PCDHA6: variants seen among roughly 807,000 people sequenced by gnomAD.
PCDHA6 encodes the protein protocadherin alpha 6.
A neutral mutation model predicts 60.3 loss-of-function variants in PCDHA6; 55 were observed. The ratio of observed to expected loss-of-function variants is 0.91; its 90% CI spans 0.73 to 1.14. The LOEUF is 1.14. Among genes scored for constraint, PCDHA6 ranks in the 50% most tolerant of loss-of-function variants. The probability of loss-of-function intolerance (pLI) is 0.00; values close to 1 mark genes in which losing one functional copy is unlikely to be tolerated. For missense variants in PCDHA6, 1,327 were observed against 1,256.5 expected (o/e 1.06, Z -0.85); for synonymous variants, 652 against 557.9 (o/e 1.17, Z -2.38).
intron 1 of PCDHA6, chr5:140,836,620 G>A (rs782384217): frequency 5.6e-6 from 9 of 1,613,468 alleles, no homozygotes; most frequent in Non-Finnish European, 7.6e-6. Flanking sequence ...AGCGCGGTGG[G>A]GAGCTGGTCA....
chr5:140,976,190 C>T (rs1402016343), intron 1 of PCDHA6, among the ~76,000 whole-genome samples: 17 of 152,040 alleles, frequency 1.1e-4, no homozygotes, highest in African/African-American at 4.1e-4. Context: ...AATCAATATC[C>T]TGGAAACTCA....
At chr5:140,921,981 A>G (rs2080540156) in intron 1 of PCDHA6, among the ~76,000 whole-genome samples, 1 of 152,092 alleles carries the variant, frequency 6.6e-6, no homozygotes, top group Non-Finnish European at 1.5e-5. Flanking sequence ...AAATAGAACT[A>G]AAAAAGAGTT....
At chr5:140,996,926 T>C (rs569386997) in intron 3 of PCDHA6, among the ~76,000 whole-genome samples, 4 of 152,320 alleles carry the variant, frequency 2.6e-5, no homozygotes, top group Middle Eastern at 3.4e-3. Flanking sequence ...TTAAAAAATA[T>C]AGCATTTTTG....
intron 1 of PCDHA6, among the ~76,000 whole-genome samples, chr5:140,970,414 A>G (rs2096403953): frequency 6.6e-6 from 1 of 152,224 alleles, no homozygotes; most frequent in South Asian, 2.1e-4. Context: ...CCCTACAGTA[A>G]GGTGTAGAGG....
intron 1 of PCDHA6, among the ~76,000 whole-genome samples, chr5:140,914,132 T>G (rs1554196213): frequency 6.6e-6 from 1 of 152,152 alleles, no homozygotes; most frequent in Non-Finnish European, 1.5e-5. Context: ...CTTTGTTGAG[T>G]TTTTGTCTGT....
chr5:140,920,387 A>G (rs1163833842), intron 1 of PCDHA6, among the ~76,000 whole-genome samples: 3 of 152,098 alleles, frequency 2.0e-5, no homozygotes, highest in African/African-American at 7.2e-5. Context: ...TCATATTACC[A>G]TCTGGTGTCT....
Position 140,884,432 on chromosome 5 carries a change from C to A in PCDHA6, c.2394+53947C>A, listed in dbSNP as rs782413139. ...CACGTTGCTGCTGTATACTGCGCTG[C>A]GGTGCTCGGCACCGCCCACCGAGGG... On this transcript the variant is annotated intron_variant, in intron 1 of 3. Coordinates refer to ENST00000529310, the MANE Select transcript of PCDHA6 (RefSeq NM_018909.4). The A allele has an allele frequency of 4.3e-6, 7 of 1,613,764 alleles. No individual in the cohort carries two copies. The highest frequency in any genetic ancestry group is 5.1e-6 in the Non-Finnish European group (6 of 1,179,866).
At chr5:140,849,934 G>A (rs2150458402) in intron 1 of PCDHA6, 1 of 1,598,054 alleles carries the variant, frequency 6.3e-7, no homozygotes, top group East Asian at 2.2e-5. Context: ...GTGTCTGCGC[G>A]GGACGCTGAC....
intron 1 of PCDHA6, chr5:140,877,256 G>A (rs782364296): frequency 6.2e-7 from 1 of 1,613,628 alleles, no homozygotes; most frequent in African/African-American, 1.3e-5. Flanking sequence ...GCGAAAGTGC[G>A]CGCGGTGGAC....
rs1554143145 is a variant in PCDHA6 at position 140,849,656 on chromosome 5, C to T, written c.2394+19171C>T. The T allele has an allele frequency of 2.4e-5, 38 of 1,598,658 alleles. 2 individuals are homozygous for T. Among genetic ancestry groups the T allele is most frequent in the Non-Finnish European group, 3.2e-5 (37 of 1,168,036 alleles). On this transcript the variant is annotated intron_variant, in intron 1 of 3. Transcript: ENST00000529310. The stretch of plus-strand genomic sequence containing the variant: ...CAGATGCCAACGGGCAGGTTACCTG[C>T]TCCCTGACGCCCCACGTCCCCTTCA...
chr5:140,964,560 TGGGAGGAGATAAG>T (rs2095840156), intron 1 of PCDHA6, among the ~76,000 whole-genome samples: 1 of 152,082 alleles, frequency 6.6e-6, no homozygotes, highest in Admixed American at 6.6e-5. Context: ...CTTGGAGGGC[TGGGAGGAGATAAG>T]GGGAGGAAAG....
chr5:140,889,029 G>A (rs540289378), intron 1 of PCDHA6, among the ~76,000 whole-genome samples: 8 of 151,946 alleles, frequency 5.3e-5, no homozygotes, highest in African/African-American at 1.2e-4. Flanking sequence ...TTGGATAACC[G>A]TAATTTGATT....
intron 1 of PCDHA6, chr5:140,967,039 G>GCTGGAC (rs1192512561): frequency 1.2e-6 from 2 of 1,611,626 alleles, no homozygotes; most frequent in Non-Finnish European, 1.7e-6. Flanking sequence ...GCTACCTGGA[G>GCTGGAC]CTGGACCTGA....
chr5:140,878,253 G>A lies in PCDHA6; in HGVS notation c.2394+47768G>A, dbSNP rs182369955. 2.6e-3 allele frequency among the ~76,000 whole-genome samples: 400 copies of A among 152,208 alleles called. 1 individual carries two copies. The highest frequency in any genetic ancestry group is 9.2e-3 in the African/African-American group (384 of 41,530). Reference sequence around the variant, plus strand: ...AATGGATTCTTTAACTCTTCCTCACGTGCTTAGGCTTTTAAAATAGCCTTC... The same window carrying A: ...AATGGATTCTTTAACTCTTCCTCACATGCTTAGGCTTTTAAAATAGCCTTC... On this transcript the variant is annotated intron_variant, in intron 1 of 3. Transcript: ENST00000529310.
intron 1 of PCDHA6, chr5:140,967,445 C>T (rs782571799): frequency 3.1e-6 from 5 of 1,613,550 alleles, no homozygotes; most frequent in Non-Finnish European, 4.2e-6. Flanking sequence ...CCACCTGGTT[C>T]TCACAGCCGT....
intron 1 of PCDHA6, among the ~76,000 whole-genome samples, chr5:140,893,338 T>A (rs1409461265): frequency 1.3e-5 from 2 of 152,174 alleles, no homozygotes; most frequent in Non-Finnish European, 2.9e-5. Flanking sequence ...TTTTCCTTAG[T>A]GGCAGTGCTA....
At chr5:140,911,659 T>G (rs2075588861) in intron 1 of PCDHA6, among the ~76,000 whole-genome samples, 1 of 152,142 alleles carries the variant, frequency 6.6e-6, no homozygotes, top group African/African-American at 2.4e-5. Flanking sequence ...GTTACTAAAC[T>G]CCTTGCCTCT....
chr5:140,835,790 G>T (rs1203887296), intron 1 of PCDHA6: 1 of 1,613,158 alleles, frequency 6.2e-7, no homozygotes, highest in South Asian at 1.1e-5. Flanking sequence ...AGAACAACCC[G>T]CCGGGCTGCC....
intron 1 of PCDHA6, among the ~76,000 whole-genome samples, chr5:140,844,363 T>A (rs1464433937): frequency 6.7e-6 from 1 of 149,592 alleles, no homozygotes; most frequent in Non-Finnish European, 1.5e-5. Context: ...GGAAGAGATT[T>A]GTAATCCTTC....
Sources: allele counts gnomAD v4.1 joint callset (sites outside exome capture counted in the v4.1 genomes callset), GRCh38; gene constraint gnomAD v4.1.1; transcripts MANE v1.5; gene names NCBI Gene and HGNC (gene_info 2026-07-23, HGNC 2026-07-21).